Variants in GUCY2C observed in about 807,000 individuals in gnomAD.
GUCY2C encodes guanylyl cyclase C.
Under a neutral mutation model 131.1 loss-of-function variants are expected in GUCY2C, and 118 were observed. The observed-to-expected ratio is 0.90, with a 90% CI of 0.78 to 1.05. GUCY2C has a LOEUF of 1.05. Among genes scored for constraint, GUCY2C ranks in the 50% least tolerant of loss-of-function variants. GUCY2C has a pLI of 0.00. For missense variants in GUCY2C, 1,161 were observed against 1,304.4 expected, an observed-to-expected ratio of 0.89 and a Z score of 1.69; for synonymous variants, 452 against 457.8, an observed-to-expected ratio of 0.99 and a Z score of 0.16.
intron 20 of GUCY2C, among the ~76,000 whole-genome samples, chr12:14,627,613 G>A (rs545831751): frequency 4.7e-4 from 71 of 152,262 alleles, no homozygotes; most frequent in Non-Finnish European, 6.9e-4. Context: ...TAAAACCCCA[G>A]TATCAGTATT....
chr12:14,691,808 C>T (rs1444015964), intron 1 of GUCY2C, among the ~76,000 whole-genome samples: 1 of 152,170 alleles, frequency 6.6e-6, no homozygotes, highest in East Asian at 1.9e-4. Flanking sequence ...CCTACTGGGC[C>T]CCAGTTCCTC....
In GUCY2C at chr12:14,628,650, A is replaced by C; in HGVS notation, c.2245T>G (p.Phe749Val). ...KKIETTLAKI[F>V]GLFHDQKNES... ...AAGTAAACATTTCAGCAATACCCAA[A>C]TATCTTGGCAAGTGTAGTCTCAATT... is the stretch of plus-strand genomic sequence containing the variant. Residue 749 changes from phenylalanine (F) to valine (V), a missense_variant, in exon 20 of 27, where the codon TTT (phenylalanine) becomes GTT (valine). By Grantham distance (50) the Phe-to-Val change is conservative (BLOSUM62 -1). Coordinates refer to ENST00000261170, the MANE Select transcript of GUCY2C (RefSeq NM_004963.4). The C allele has an allele frequency of 1.3e-6, 2 of 1,503,740 alleles. No individual in the cohort carries two copies. Among genetic ancestry groups the C allele is most frequent in the Non-Finnish European group, 1.9e-6 (2 of 1,079,574 alleles). The allele number at this position is 1,503,740 out of a possible 1,614,324, so 93.1% of individuals were successfully genotyped here.
At chr12:14,621,276 G>C (rs935696510) in intron 22 of GUCY2C, 60 bp from the exon 23 acceptor site, 15 of 1,412,194 alleles carry the variant, frequency 1.1e-5, no homozygotes, top group Non-Finnish European at 1.5e-5. Context: ...AAAGTAAACA[G>C]AAGCAGTTAA....
intron 7 of GUCY2C, among the ~76,000 whole-genome samples, chr12:14,675,219 A>AG (rs1196369713): frequency 5.4e-5 from 8 of 147,992 alleles, no homozygotes; most frequent in African/African-American, 2.0e-4. Context: ...AAAAAAAAAA[A>AG]AAAAAAAAAA....
At chr12:14,659,131 C>T (rs376121361) in intron 11 of GUCY2C, among the ~76,000 whole-genome samples, 154 of 151,948 alleles carry the variant, frequency 1.0e-3, no homozygotes, top group African/African-American at 3.0e-3. Flanking sequence ...CTGCAACCTC[C>T]GCCTCCCGGG....
chr12:14,691,861 A>G (rs1948579925), intron 1 of GUCY2C, among the ~76,000 whole-genome samples: 1 of 152,152 alleles, frequency 6.6e-6, no homozygotes, highest in Non-Finnish European at 1.5e-5. Context: ...CTCTTTCACT[A>G]TATGCCTAGC....
At position 14,641,199 on chromosome 12, in the gene GUCY2C, G is replaced by A; in HGVS notation, c.1951C>T (p.His651Tyr). The change falls in exon 18 of 27, where the codon CAC becomes TAC. Residue 651 changes from histidine (H) to tyrosine (Y), a missense_variant. Coordinates refer to ENST00000261170, the MANE Select transcript of GUCY2C (RefSeq NM_004963.4). ...PKKDLWTAPEHLRQANISQKG... is the reference protein window; with the variant it reads ...PKKDLWTAPEYLRQANISQKG... ...TGAGAGATGTTGGCTTGGCGGAGGT[G>A]CTCTGGAGCTGTCCACAGGTCTGTA... 6.2e-7 allele frequency: 1 copy of A among 1,613,482 alleles called. No homozygotes were observed. The highest frequency in any genetic ancestry group is 8.5e-7 in the Non-Finnish European group (1 of 1,179,924).
chr12:14,681,447 G>A lies in GUCY2C; in HGVS notation c.642C>T (p.Ser214=). The change falls in exon 5 of 27, where the codon TCC becomes TCT. Residue 214 remains serine, a synonymous_variant. Coordinates refer to ENST00000261170, the MANE Select transcript of GUCY2C (RefSeq NM_004963.4). ...TAAAGCCGAGTTCGTGGGAGAAATA[G>A]GAAACGCTAGCCTCCAGAGCATTAA... ...WYLNALEASV[S]YFSHELGFKV... The A allele has an allele frequency of 6.2e-7, 1 of 1,611,664 alleles. No homozygotes were observed. The highest frequency in any genetic ancestry group is 8.5e-7 in the Non-Finnish European group (1 of 1,178,394).
intron 18 of GUCY2C, 137 bp from the exon 19 acceptor site, chr12:14,640,087 G>A: frequency 1.6e-6 from 1 of 637,512 alleles, no homozygotes; most frequent in South Asian, 1.8e-5. Flanking sequence ...GCCTAGACCA[G>A]CACTCAGTAG....
intron 1 of GUCY2C, among the ~76,000 whole-genome samples, chr12:14,693,313 A>G (rs907969974): frequency 2.0e-5 from 3 of 152,170 alleles, no homozygotes; most frequent in Non-Finnish European, 4.4e-5. Context: ...CCAGCTCAGC[A>G]CAAGGGAGCA....
intron 6 of GUCY2C, among the ~76,000 whole-genome samples, chr12:14,678,258 T>C (rs1195721887): frequency 6.6e-6 from 1 of 152,222 alleles, no homozygotes; most frequent in Admixed American, 6.5e-5. Flanking sequence ...AATCTTAAAA[T>C]GCTAAAAAAA....
At chr12:14,681,802 T>C (rs994120104) in intron 4 of GUCY2C, among the ~76,000 whole-genome samples, 2 of 152,226 alleles carry the variant, frequency 1.3e-5, no homozygotes, top group African/African-American at 2.4e-5. Context: ...TGTCATGATA[T>C]CTGACATTTG....
chr12:14,685,230 G>A (rs776358070), intron 3 of GUCY2C, among the ~76,000 whole-genome samples: 4 of 152,204 alleles, frequency 2.6e-5, no homozygotes, highest in Non-Finnish European at 5.9e-5. Context: ...TTAGATGACA[G>A]TTGGGAACAA....
At chr12:14,632,855 G>A (rs1947177448) in intron 19 of GUCY2C, among the ~76,000 whole-genome samples, 1 of 152,060 alleles carries the variant, frequency 6.6e-6, no homozygotes, top group Admixed American at 6.6e-5. Flanking sequence ...ACATCTTCTG[G>A]GGGCCACATA....
In GUCY2C at chr12:14,663,519, G is replaced by A. The variant is rs556680787; in HGVS notation, c.1283-2457C>T. On this transcript the variant is annotated intron_variant, in intron 10 of 26. Transcript: ENST00000261170. ...GCTGGTCTCGAACTCCTGACCTCAGGTGATCAGCCCACCTTGGTCTCCCAA... is the reference window on the plus strand; with the variant it reads ...GCTGGTCTCGAACTCCTGACCTCAGATGATCAGCCCACCTTGGTCTCCCAA... Among the ~76,000 whole-genome samples, 6 of 152,296 alleles carry A rather than the reference G, an allele frequency of 3.9e-5. No individual in the cohort carries two copies. In the East Asian group the frequency reaches 9.6e-4, roughly 24 times the overall value.
intron 11 of GUCY2C, 59 bp from the exon 12 acceptor site, chr12:14,656,676 C>T: frequency 1.2e-6 from 1 of 857,410 alleles, no homozygotes; most frequent in East Asian, 2.4e-5. Flanking sequence ...CATTCAGCTT[C>T]TGAAGACTGG....
Position 14,671,356 on chromosome 12 carries a change from T to C in GUCY2C, c.1170+1517A>G, listed in dbSNP as rs575106361. On this transcript the variant is annotated intron_variant, in intron 9 of 26. Coordinates refer to ENST00000261170, the MANE Select transcript of GUCY2C (RefSeq NM_004963.4). The stretch of plus-strand genomic sequence containing the variant: ...TTTTACCGCGTTGGCCAGGCTGGTC[T>C]CAAACTCTTGACCTCAAGTGATCCG... Among the ~76,000 whole-genome samples the C allele has an allele frequency of 8.5e-5, 13 of 152,294 alleles. No homozygotes were observed. In the South Asian group the frequency reaches 2.7e-3, roughly 32 times the overall value.
chr12:14,632,743 G>A (rs1947174888), intron 19 of GUCY2C, among the ~76,000 whole-genome samples: 1 of 152,162 alleles, frequency 6.6e-6, no homozygotes, highest in Admixed American at 6.5e-5. Flanking sequence ...CAGGTCTCAG[G>A]ACAGGTCCAC....
At chr12:14,690,210 G>A (rs1948550404) in intron 1 of GUCY2C, among the ~76,000 whole-genome samples, 1 of 152,204 alleles carries the variant, frequency 6.6e-6, no homozygotes, top group Non-Finnish European at 1.5e-5. Flanking sequence ...TTGAAAACAA[G>A]TTTCTCTTCA....
Sources: gnomAD v4.1 joint callset for allele counts (sites outside exome capture counted in the v4.1 genomes callset) on GRCh38, gnomAD v4.1.1 for gene constraint, MANE v1.5 for transcripts, NCBI Gene and HGNC (gene_info 2026-07-23, HGNC 2026-07-21) for gene names.